SNX29: variants seen among roughly 807,000 people sequenced by gnomAD.
SNX29 encodes the protein sorting nexin-29.
A neutral mutation model predicts 102.1 loss-of-function variants in SNX29; 78 were observed. The observed-to-expected ratio is 0.76, with a 90% CI of 0.64 to 0.92. SNX29 has a LOEUF of 0.92. Ranked by LOEUF, SNX29 falls within the 40% of genes least tolerant of loss-of-function variation. The pLI, the probability that SNX29 is intolerant of heterozygous loss-of-function variation, is 0.00. For missense variants in SNX29, 1,280 were observed against 1,061.7 expected (o/e 1.21, Z -2.86); for synonymous variants, 580 against 414.5 (o/e 1.40, Z -4.85).
chr16:12,135,672 T>C, intron 13 of SNX29: 1 of 1,247,018 alleles, frequency 8.0e-7, no homozygotes, highest in Non-Finnish European at 1.1e-6. Flanking sequence ...ATCCAGTCTT[T>C]CCTGAAGCTG....
At chr16:12,526,963 C>T in intron 20 of SNX29, 1 of 402,852 alleles carries the variant, frequency 2.5e-6, no homozygotes, top group East Asian at 4.2e-5. Flanking sequence ...GCACGCAGAA[C>T]AGAACACAGG....
At chr16:12,434,781 A>C (rs781504796) in intron 18 of SNX29, among the ~76,000 whole-genome samples, 1 of 152,034 alleles carries the variant, frequency 6.6e-6, no homozygotes, top group Non-Finnish European at 1.5e-5. Context: ...GAGCACACTG[A>C]TGTTAACCTG....
At chr16:12,536,988 AAAAT>A (rs935584714) in intron 20 of SNX29, among the ~76,000 whole-genome samples, 20 of 116,506 alleles carry the variant, frequency 1.7e-4, no homozygotes, top group South Asian at 2.7e-4. Context: ...TTAAAAAAAT[AAAAT>A]AAAAAGAGTT....
intron 2 of SNX29, among the ~76,000 whole-genome samples, chr16:12,002,337 A>T (rs1401872644): frequency 6.6e-6 from 1 of 151,830 alleles, no homozygotes; most frequent in East Asian, 1.9e-4. Flanking sequence ...AATCCCAGCT[A>T]CTTGGGTATC....
At chr16:12,253,283 G>C (rs2078474853) in intron 14 of SNX29, among the ~76,000 whole-genome samples, 1 of 152,178 alleles carries the variant, frequency 6.6e-6, no homozygotes, top group African/African-American at 2.4e-5. Context: ...TTGAGTGCCT[G>C]TCATGGGCCA....
intron 13 of SNX29, among the ~76,000 whole-genome samples, chr16:12,185,791 C>T (rs1465061647): frequency 6.6e-6 from 1 of 152,222 alleles, no homozygotes; most frequent in African/African-American, 2.4e-5. Context: ...ACAACAACTG[C>T]AACTGTGCAG....
chr16:12,409,768 A>G (rs1452226703), intron 18 of SNX29, among the ~76,000 whole-genome samples: 3 of 152,170 alleles, frequency 2.0e-5, no homozygotes, highest in South Asian at 2.1e-4. Context: ...GTATGAAGTA[A>G]TACATCAGTG....
chr16:12,515,688 G>T (rs769542420), intron 19 of SNX29: 76 of 464,078 alleles, frequency 1.6e-4, no homozygotes, highest in Admixed American at 2.6e-4. Context: ...ATGTATTCAC[G>T]TATCTGCTTG....
chr16:12,111,991 G>A (rs373380058), intron 11 of SNX29, among the ~76,000 whole-genome samples: 2 of 152,202 alleles, frequency 1.3e-5, no homozygotes, highest in South Asian at 2.1e-4. Flanking sequence ...CACCCACCCC[G>A]TGGTCATCGT....
chr16:12,539,982 A>AAG (rs2077253606), intron 20 of SNX29, among the ~76,000 whole-genome samples: 1 of 152,146 alleles, frequency 6.6e-6, no homozygotes, highest in Non-Finnish European at 1.5e-5. Context: ...ATTTTCTTCT[A>AAG]GTCTTCAGCT....
chr16:12,572,523 G>C lies in SNX29; in HGVS notation c.*3894G>C, dbSNP rs2079209254. ...CGGCCTTCCTGCTCCACGTGCTCAA[G>C]CCCCCACAGGGGGCTGCGACACCAT... On this transcript the variant is annotated 3_prime_UTR_variant, in exon 21 of 21. Transcript: ENST00000566228. The C allele has an allele frequency of 2.8e-6, 3 of 1,064,038 alleles. No individual in the cohort carries two copies. In the South Asian group the frequency reaches 1.4e-4, roughly 48 times the overall value. 65.9% of individuals were successfully genotyped at this position (1,064,038 alleles called of 1,614,324 possible). A position where few individuals can be genotyped will look rare whatever the true frequency, so the allele number is the denominator to read the frequency against.
intron 19 of SNX29, among the ~76,000 whole-genome samples, chr16:12,494,618 C>T (rs1333531120): frequency 6.6e-6 from 1 of 152,230 alleles, no homozygotes; most frequent in East Asian, 1.9e-4. Context: ...TCTACCAGCT[C>T]ACAGCCACGT....
Position 12,567,066 on chromosome 16 carries a change from G to T in SNX29, c.2319-1440G>T, listed in dbSNP as rs188537738. On this transcript the variant is annotated intron_variant, in intron 20 of 20. Coordinates refer to ENST00000566228, the MANE Select transcript of SNX29 (RefSeq NM_032167.5). Reference sequence around the variant, plus strand: ...CATGAAGATGCTAGGCTGTTTCAGGGAACCCTGCAGGGATCCTCGAGGGGA... The same window carrying T: ...CATGAAGATGCTAGGCTGTTTCAGGTAACCCTGCAGGGATCCTCGAGGGGA... 3.9e-5 allele frequency among the ~76,000 whole-genome samples: 6 copies of T among 152,360 alleles called. No homozygotes were observed. The South Asian group carries it at 8.3e-4, about 21-fold the overall frequency.
chr16:12,511,183 C>T (rs1009219428), intron 19 of SNX29, among the ~76,000 whole-genome samples: 6 of 152,124 alleles, frequency 3.9e-5, no homozygotes, highest in Non-Finnish European at 7.4e-5. Context: ...GGGACTAGTT[C>T]ATTTTTTTAT....
At chr16:12,384,871 T>C (rs2083290825) in intron 16 of SNX29, among the ~76,000 whole-genome samples, 1 of 152,000 alleles carries the variant, frequency 6.6e-6, no homozygotes, top group Admixed American at 6.5e-5. Flanking sequence ...AATGGACACA[T>C]ATAAAAAGTG....
At chr16:12,486,511 G>C (rs1597570518) in intron 19 of SNX29, among the ~76,000 whole-genome samples, 1 of 152,254 alleles carries the variant, frequency 6.6e-6, no homozygotes, top group Non-Finnish European at 1.5e-5. Context: ...GTACAGGGAT[G>C]TGAAGTGACT....
At chr16:12,229,473 C>T (rs944792861) in intron 14 of SNX29, among the ~76,000 whole-genome samples, 8 of 152,182 alleles carry the variant, frequency 5.3e-5, no homozygotes, top group Non-Finnish European at 1.0e-4. Context: ...TTGGACCCAG[C>T]ATGAGTTTTT....
intron 20 of SNX29, chr16:12,556,430 C>G (rs555942360): frequency 6.6e-6 from 1 of 152,246 alleles, no homozygotes; most frequent in Non-Finnish European, 1.5e-5. Context: ...GCTACAGATG[C>G]TGTGAAGAAA....
At chr16:12,043,464 C>A (rs2049966794) in intron 5 of SNX29, among the ~76,000 whole-genome samples, 2 of 151,926 alleles carry the variant, frequency 1.3e-5, no homozygotes, top group South Asian at 4.2e-4. Context: ...AAGCAATCCT[C>A]CCACCTTAGC....
Sources: gnomAD v4.1 joint callset for allele counts (sites outside exome capture counted in the v4.1 genomes callset) on GRCh38, gnomAD v4.1.1 for gene constraint, MANE v1.5 for transcripts, NCBI Gene and HGNC (gene_info 2026-07-23, HGNC 2026-07-21) for gene names.